The following SLC4A5 variants were observed in gnomAD, a reference collection of about 807,000 sequenced individuals.
The protein encoded by SLC4A5 is solute carrier family 4 member 5.
Under a neutral mutation model 120.4 loss-of-function variants are expected in SLC4A5, and 96 were observed. The observed-to-expected ratio is 0.80, with a 90% confidence interval of 0.68 to 0.94. SLC4A5 has a LOEUF of 0.94. Among genes scored for constraint, SLC4A5 ranks in the 40% least tolerant of loss-of-function variants. The pLI is 0.00. For synonymous variants in SLC4A5, 550 were observed against 571.1 expected, an observed-to-expected ratio of 0.96 and a Z score of 0.53; for missense variants, 1,259 against 1,459.5, an observed-to-expected ratio of 0.86 and a Z score of 2.24.
At chr2:74,248,163 A>G (rs973129986) in intron 18 of SLC4A5, among the ~76,000 whole-genome samples, 190 bp downstream of exon 18, 1 of 152,160 alleles carries the variant, frequency 6.6e-6, no homozygotes, top group Non-Finnish European at 1.5e-5. Context: ...GCCAATATGC[A>G]CTAAGATGTC....
At chr2:74,289,095 G>C (rs1558896995) in intron 7 of SLC4A5, among the ~76,000 whole-genome samples, 1 of 152,062 alleles carries the variant, frequency 6.6e-6, no homozygotes, top group Non-Finnish European at 1.5e-5. Flanking sequence ...ATTGCCTCTG[G>C]TTGTCCCATT....
intron 5 of SLC4A5, among the ~76,000 whole-genome samples, chr2:74,323,428 A>T (rs564368297): frequency 6.6e-6 from 1 of 152,248 alleles, no homozygotes; most frequent in South Asian, 2.1e-4. Context: ...AAAGTTACCC[A>T]TCATTAATCA....
chr2:74,337,292 A>G (rs1402972893), intron 3 of SLC4A5, among the ~76,000 whole-genome samples: 1 of 151,986 alleles, frequency 6.6e-6, no homozygotes, highest in Non-Finnish European at 1.5e-5. Flanking sequence ...AGAGACTTTG[A>G]CCTCCACAAT....
intron 7 of SLC4A5, among the ~76,000 whole-genome samples, chr2:74,293,883 A>G (rs2104212928): frequency 6.6e-6 from 1 of 152,292 alleles, no homozygotes. Context: ...ATAAGTGTAA[A>G]GGTTATAAAA....
intron 7 of SLC4A5, chr2:74,290,137 C>A (rs1447219764): frequency 1.8e-5 from 18 of 985,508 alleles, no homozygotes; most frequent in Non-Finnish European, 2.0e-5. Flanking sequence ...AGTCTGGAAT[C>A]CCCTTTCCCC....
chr2:74,284,729 C>T (rs1330544000), intron 8 of SLC4A5, among the ~76,000 whole-genome samples: 1 of 152,128 alleles, frequency 6.6e-6, no homozygotes, highest in African/African-American at 2.4e-5. Flanking sequence ...GTCACAGGCA[C>T]TGGGGATATG....
chr2:74,270,469 C>T (rs1037442293), intron 8 of SLC4A5, among the ~76,000 whole-genome samples: 1 of 152,102 alleles, frequency 6.6e-6, no homozygotes, highest in Non-Finnish European at 1.5e-5. Context: ...GTCAGGAGAT[C>T]GAGACCATCC....
At chr2:74,256,561 G>A (rs11902148) in intron 12 of SLC4A5, among the ~76,000 whole-genome samples, 22,863 of 152,152 alleles carry the variant, frequency 0.15, 2,243 homozygotes, top group African/African-American at 0.28. Context: ...CCTCTCTCCA[G>A]TCTCTCTGGC....
intron 6 of SLC4A5, among the ~76,000 whole-genome samples, chr2:74,313,895 C>T (rs982874339): frequency 6.6e-6 from 1 of 152,184 alleles, no homozygotes; most frequent in Non-Finnish European, 1.5e-5. Flanking sequence ...CAAGAGGCAG[C>T]TGCCCTAGGT....
intron 10 of SLC4A5, among the ~76,000 whole-genome samples, chr2:74,263,537 ATT>A (rs2104043815): frequency 6.6e-6 from 1 of 152,142 alleles, no homozygotes; most frequent in Non-Finnish European, 1.5e-5. Context: ...AATGTTGGAG[ATT>A]TGAGATGTGT....
chr2:74,315,162 G>C, intron 5 of SLC4A5, 137 bp from the exon 6 acceptor site: 1 of 725,916 alleles, frequency 1.4e-6, no homozygotes, highest in South Asian at 1.6e-5. Flanking sequence ...ACATATAACT[G>C]GGTGCAGTGG....
chr2:74,267,354 G>A (rs1047677812), intron 8 of SLC4A5, among the ~76,000 whole-genome samples: 3 of 152,148 alleles, frequency 2.0e-5, no homozygotes, highest in South Asian at 2.1e-4. Context: ...ATACAAGGAC[G>A]CTCGATGAAG....
chr2:74,295,399 C>T (rs1178264192), intron 7 of SLC4A5, among the ~76,000 whole-genome samples: 2 of 151,970 alleles, frequency 1.3e-5, no homozygotes, highest in Non-Finnish European at 2.9e-5. Flanking sequence ...TTTGGGAGGC[C>T]GAAGTGGGTG....
intron 20 of SLC4A5, among the ~76,000 whole-genome samples, chr2:74,240,668 C>G (rs1010488190): frequency 2.0e-5 from 3 of 151,654 alleles, no homozygotes; most frequent in Non-Finnish European, 4.4e-5. Context: ...ACTCGAGAGG[C>G]TGAGGCAGGA....
At chr2:74,245,534 G>T (rs1196807517) in intron 19 of SLC4A5, among the ~76,000 whole-genome samples, 1 of 152,148 alleles carries the variant, frequency 6.6e-6, no homozygotes, top group African/African-American at 2.4e-5. Context: ...CTGCCTGCAG[G>T]TAGGATCCCC....
intron 25 of SLC4A5, 57 bp from the exon 26 acceptor site, chr2:74,227,935 CTGTT>C: frequency 7.2e-7 from 1 of 1,390,236 alleles, no homozygotes; most frequent in South Asian, 1.4e-5. Flanking sequence ...CTTGGCCACC[CTGTT>C]CTGGATGACA....
exon 1 of SLC4A5, chr2:74,343,356 C>T (rs1673667355): frequency 1.3e-5 from 2 of 152,160 alleles, no homozygotes; most frequent in African/African-American, 4.8e-5. Flanking sequence ...CTCTACTTAC[C>T]CCAGTGCAGT....
intron 26 of SLC4A5, 194 bp downstream of exon 26, chr2:74,227,616 C>A (rs1377258735): frequency 7.1e-7 from 1 of 1,403,688 alleles, no homozygotes; most frequent in Non-Finnish European, 1.0e-6. Context: ...TTATATGAGG[C>A]CTATGAAGTG....
intron 8 of SLC4A5, among the ~76,000 whole-genome samples, chr2:74,267,025 C>T (rs1671322330): frequency 1.3e-5 from 2 of 152,104 alleles, no homozygotes; most frequent in African/African-American, 2.4e-5. Context: ...AGTAAACAAT[C>T]CTGAGAAGAA....
Sources: allele counts gnomAD v4.1 joint callset (sites outside exome capture counted in the v4.1 genomes callset), GRCh38; gene constraint gnomAD v4.1.1; transcripts MANE v1.5; gene names NCBI Gene and HGNC (gene_info 2026-07-23, HGNC 2026-07-21).